CMIP: variants seen among roughly 807,000 people sequenced by gnomAD.
CMIP encodes c-Maf inducing protein.
In CMIP, 13 loss-of-function variants were observed where a neutral mutation model predicts 97.3. The observed-to-expected ratio is 0.13, with a 90% CI of 0.09 to 0.21. The LOEUF is 0.21. Ranked by LOEUF, CMIP falls within the 10% of genes least tolerant of loss-of-function variation. The pLI, the probability that CMIP is intolerant of heterozygous loss-of-function variation, is 1.00. For synonymous variants in CMIP, 538 were observed against 436.3 expected (o/e 1.23, Z -2.91); for missense variants, 847 against 1,024.9 (o/e 0.83, Z 2.37).
intron 3 of CMIP, among the ~76,000 whole-genome samples, chr16:81,625,120 C>T (rs1479503649): frequency 6.6e-6 from 1 of 152,232 alleles, no homozygotes; most frequent in Non-Finnish European, 1.5e-5. Flanking sequence ...ACATCTTTGC[C>T]TCTTTCTCTG....
At chr16:81,676,613 G>A (rs1024865412) in intron 9 of CMIP, among the ~76,000 whole-genome samples, 1 of 152,178 alleles carries the variant, frequency 6.6e-6, no homozygotes, top group Non-Finnish European at 1.5e-5. Context: ...TGTTATCAAC[G>A]ATAGAATTCT....
chr16:81,447,040 A>G (rs559306699), intron 1 of CMIP, among the ~76,000 whole-genome samples: 3 of 152,224 alleles, frequency 2.0e-5, no homozygotes, highest in African/African-American at 7.2e-5. Context: ...GCATGTTCTC[A>G]AGCCCGTCCC....
chr16:81,632,198 G>A (rs1266805212), intron 3 of CMIP, among the ~76,000 whole-genome samples: 1 of 152,106 alleles, frequency 6.6e-6, no homozygotes, highest in Non-Finnish European at 1.5e-5. Context: ...TCCTTGTCCT[G>A]CCAGATATCC....
intron 7 of CMIP, 119 bp downstream of exon 7, chr16:81,664,468 C>T: frequency 1.1e-6 from 1 of 903,418 alleles, no homozygotes; most frequent in African/African-American, 1.7e-5. Flanking sequence ...GCGTGACAGC[C>T]AGGAACTGGG....
intron 17 of CMIP, among the ~76,000 whole-genome samples, chr16:81,703,344 G>A (rs757671180): frequency 6.6e-6 from 1 of 152,052 alleles, no homozygotes; most frequent in Non-Finnish European, 1.5e-5. Flanking sequence ...GGTTGTCTTA[G>A]GAACCTCCCA....
intron 3 of CMIP, among the ~76,000 whole-genome samples, chr16:81,629,992 C>A (rs944803488): frequency 6.6e-6 from 1 of 152,192 alleles, no homozygotes; most frequent in Non-Finnish European, 1.5e-5. Flanking sequence ...TGGCTCTCAC[C>A]ACCTATTACC....
intron 14 of CMIP, among the ~76,000 whole-genome samples, chr16:81,698,661 C>T (rs1907040085): frequency 6.6e-6 from 1 of 152,198 alleles, no homozygotes; most frequent in African/African-American, 2.4e-5. Flanking sequence ...CGTTCAGTCA[C>T]ACTGAAGACA....
intron 1 of CMIP, among the ~76,000 whole-genome samples, chr16:81,577,493 T>C (rs1157072088): frequency 6.8e-6 from 1 of 146,062 alleles, no homozygotes; most frequent in Non-Finnish European, 1.5e-5. Flanking sequence ...ATTATCACTA[T>C]CACCATCATC....
chr16:81,579,947 G>A (rs1385001814), intron 1 of CMIP, among the ~76,000 whole-genome samples: 4 of 152,188 alleles, frequency 2.6e-5, no homozygotes, highest in South Asian at 2.1e-4. Flanking sequence ...GCGACAGTGC[G>A]AGACTCCGTC....
chr16:81,578,110 A>T (rs915247950), intron 1 of CMIP, among the ~76,000 whole-genome samples: 2 of 146,654 alleles, frequency 1.4e-5, no homozygotes, highest in Admixed American at 1.4e-4. Flanking sequence ...TTACCACTAC[A>T]TTATTATCAC....
chr16:81,487,690 T>C (rs1349459962), intron 1 of CMIP, among the ~76,000 whole-genome samples: 1 of 152,210 alleles, frequency 6.6e-6, no homozygotes, highest in Non-Finnish European at 1.5e-5. Context: ...TTGCTTTATG[T>C]GCAAACTGTG....
chr16:81,668,617 C>T (rs919397022), intron 7 of CMIP, among the ~76,000 whole-genome samples: 2 of 152,120 alleles, frequency 1.3e-5, no homozygotes, highest in Admixed American at 6.5e-5. Flanking sequence ...ACTTTAGTTC[C>T]GGGGGCCTGG....
At chr16:81,544,927 C>G (rs1428334177) in intron 1 of CMIP, among the ~76,000 whole-genome samples, 1 of 151,990 alleles carries the variant, frequency 6.6e-6, no homozygotes, top group Non-Finnish European at 1.5e-5. Flanking sequence ...AAAGTTCAAC[C>G]CCTCATTTTT....
chr16:81,538,015 C>G (rs2090379029), intron 1 of CMIP, among the ~76,000 whole-genome samples: 1 of 152,244 alleles, frequency 6.6e-6, no homozygotes, highest in African/African-American at 2.4e-5. Context: ...TTTCCACTCA[C>G]CAGGGGCTTG....
At chr16:81,488,254 A>T (rs1445245027) in intron 1 of CMIP, among the ~76,000 whole-genome samples, 3 of 152,100 alleles carry the variant, frequency 2.0e-5, no homozygotes, top group African/African-American at 4.8e-5. Flanking sequence ...CATATTCCAG[A>T]GCCAGTCTGC....
rs1222736483 is a variant in CMIP, at chr16:81,711,571, AAAAAAT to A, written c.*1784_*1789del. ...CTGGTGCGGGAAGAAGCAGAAGCAAAAAAAATAAAAATAAAAAAATAAATAAAAATA... is the reference window on the plus strand; with the variant it reads ...CTGGTGCGGGAAGAAGCAGAAGCAAAAAAAATAAAAAAATAAATAAAAATA... On this transcript the variant is annotated 3_prime_UTR_variant, in exon 21 of 21. Coordinates refer to ENST00000537098, the MANE Select transcript of CMIP (RefSeq NM_198390.3). 6.7e-6 allele frequency: 1 copy of A among 148,848 alleles called. No individual in the cohort carries two copies. The highest frequency in any genetic ancestry group is 2.5e-5 in the African/African-American group (1 of 40,506). The allele number at this position is 148,848 out of a possible 1,614,324, so 9.2% of individuals were successfully genotyped here.
rs559676773 is a variant in CMIP, at chr16:81,706,019, C to T, written c.2197+415C>T. Reference sequence around the variant, plus strand: ...ACTCCAGACCTCCTGACTCAGACACCGTACGGTAAGCAGATGCCTGGGAGG... The same window carrying T: ...ACTCCAGACCTCCTGACTCAGACACTGTACGGTAAGCAGATGCCTGGGAGG... On this transcript the variant is annotated intron_variant, in intron 19 of 20. Transcript: ENST00000537098. Among the ~76,000 whole-genome samples, 48 of 152,316 alleles carry T rather than the reference C, an allele frequency of 3.2e-4. 1 individual carries two copies. In the South Asian group the frequency reaches 9.1e-3, roughly 29 times the overall value.
chr16:81,541,014 C>T (rs1261633484), intron 1 of CMIP, among the ~76,000 whole-genome samples: 14 of 151,098 alleles, frequency 9.3e-5, no homozygotes, highest in South Asian at 2.1e-4. Context: ...CTTATCAGTC[C>T]GTGGGCTTAT....
chr16:81,507,878 T>A (rs2089738799), intron 1 of CMIP, among the ~76,000 whole-genome samples: 1 of 152,192 alleles, frequency 6.6e-6, no homozygotes, highest in Non-Finnish European at 1.5e-5. Flanking sequence ...AGTACTGGGG[T>A]GTGAGTCCCA....
Sources: gnomAD v4.1 joint callset for allele counts (sites outside exome capture counted in the v4.1 genomes callset) on GRCh38, gnomAD v4.1.1 for gene constraint, MANE v1.5 for transcripts, NCBI Gene and HGNC (gene_info 2026-07-23, HGNC 2026-07-21) for gene names.